Variants in POGZ observed in about 807,000 individuals in gnomAD.
POGZ encodes the protein pogo transposable element with ZNF domain.
Under a neutral mutation model 134.6 loss-of-function variants are expected in POGZ, and 17 were observed. The ratio of observed to expected loss-of-function variants is 0.13; its 90% CI spans 0.09 to 0.19. POGZ has a LOEUF of 0.19. POGZ is among the 10% of genes least tolerant of loss of function. POGZ has a pLI of 1.00. For missense variants in POGZ, 1,306 were observed against 1,769.7 expected, an observed-to-expected ratio of 0.74 and a Z score of 4.70; for synonymous variants, 693 against 657.1, an observed-to-expected ratio of 1.05 and a Z score of -0.84.
At chr1:151,458,691 C>CG (rs1663089010) in intron 1 of POGZ, among the ~76,000 whole-genome samples, 1 of 145,510 alleles carries the variant, frequency 6.9e-6, no homozygotes, top group African/African-American at 2.5e-5. Context: ...CCCGCGCCCC[C>CG]GCCCCCGCCC....
chr1:151,415,593 C>A (rs1355278000), intron 10 of POGZ, among the ~76,000 whole-genome samples: 2 of 150,694 alleles, frequency 1.3e-5, no homozygotes. Flanking sequence ...ATGGCGTGAA[C>A]CCAGGAGACA....
chr1:151,420,750 A>G (rs943374184), intron 10 of POGZ, among the ~76,000 whole-genome samples: 1 of 152,112 alleles, frequency 6.6e-6, no homozygotes, highest in Non-Finnish European at 1.5e-5. Flanking sequence ...GTATTTCAAA[A>G]GATCTGTTTT....
chr1:151,455,934 G>T (rs1209163132), intron 1 of POGZ, among the ~76,000 whole-genome samples: 2 of 147,178 alleles, frequency 1.4e-5, no homozygotes, highest in Admixed American at 6.8e-5. Context: ...ATAGAGACAG[G>T]GTCTCACTAT....
At chr1:151,407,146 C>T in intron 16 of POGZ, 89 bp downstream of exon 16, 1 of 1,225,742 alleles carries the variant, frequency 8.2e-7, no homozygotes, top group East Asian at 2.4e-5. Flanking sequence ...GAAATTAATT[C>T]ACATAACCAC....
chr1:151,433,501 G>C (rs1000675863), intron 3 of POGZ, among the ~76,000 whole-genome samples: 26 of 151,346 alleles, frequency 1.7e-4, no homozygotes, highest in African/African-American at 6.3e-4. Context: ...CCAGCTACTC[G>C]GGAGGCTGAG....
Position 151,429,658 on chromosome 1 carries a change from C to T in POGZ, c.513G>A (p.Gly171=). The part of the protein sequence containing the change: ...RPVQNAMNQV[G]IVLNVQQGQT... ...GGCCTTGCTGTACGTTCAGCACAAT[C>T]CCAACCTGATTCATTGCATTTTGTA... is the stretch of plus-strand genomic sequence containing the variant. Residue 171 remains glycine (G), a synonymous_variant, in exon 5 of 19, where the codon GGG becomes GGA. Coordinates refer to ENST00000271715, the MANE Select transcript of POGZ (RefSeq NM_015100.4). 1 of 1,613,502 alleles carries T rather than the reference C, an allele frequency of 6.2e-7. No homozygotes were observed.
intron 1 of POGZ, among the ~76,000 whole-genome samples, chr1:151,450,023 A>ATTTTTTTTTT (rs1171783071): frequency 2.7e-5 from 2 of 74,326 alleles, no homozygotes; most frequent in Non-Finnish European, 2.4e-5. Flanking sequence ...GTGAAACTTG[A>ATTTTTTTTTT]TTTTTTTTTT....
intron 15 of POGZ, among the ~76,000 whole-genome samples, chr1:151,407,825 C>A (rs530790187): frequency 2.4e-4 from 36 of 151,894 alleles, no homozygotes; most frequent in African/African-American, 8.5e-4. Context: ...GCCTGGCCAA[C>A]AAGGTGAAAC....
chr1:151,417,727 C>A (rs901407764), intron 10 of POGZ, among the ~76,000 whole-genome samples: 1 of 130,570 alleles, frequency 7.7e-6, no homozygotes, highest in Non-Finnish European at 1.6e-5. Flanking sequence ...CACACACACA[C>A]ACAAAAGGCC....
At chr1:151,423,845 G>C (rs1205522392) in intron 9 of POGZ, 104 bp downstream of exon 9, 8 of 836,970 alleles carry the variant, frequency 9.6e-6, no homozygotes, top group African/African-American at 1.7e-5. Context: ...CAGCAAGACT[G>C]CATAGTAGTT....
Position 151,428,277 on chromosome 1 carries a change from A to G in POGZ, c.705T>C (p.Leu235=). 1 of 1,614,102 alleles carries G rather than the reference A, an allele frequency of 6.2e-7. No homozygotes were observed. Residue 235 remains leucine, a synonymous_variant, in exon 6 of 19, where the codon CTT becomes CTC. Transcript: ENST00000271715. ...ACTGTGGGACGGTGCTTCGAATGGT[A>G]AGAGTGGCCGGGATGACGGTGGTGA... ...NTFTTVIPAT[L]TIRSTVPQSQ...
At chr1:151,417,727 CA>C (rs1656033671) in intron 10 of POGZ, among the ~76,000 whole-genome samples, 1 of 130,570 alleles carries the variant, frequency 7.7e-6, no homozygotes, top group Non-Finnish European at 1.6e-5. Context: ...CACACACACA[CA>C]CAAAAGGCCT....
intron 1 of POGZ, among the ~76,000 whole-genome samples, chr1:151,448,769 G>A (rs979976219): frequency 6.6e-6 from 1 of 152,142 alleles, no homozygotes; most frequent in African/African-American, 2.4e-5. Flanking sequence ...ACAGGCTGAG[G>A]TGGGAGAATC....
chr1:151,435,259 A>C (rs988824166), intron 3 of POGZ, among the ~76,000 whole-genome samples: 1 of 152,208 alleles, frequency 6.6e-6, no homozygotes, highest in African/African-American at 2.4e-5. Context: ...AGAGGGCTAA[A>C]TACAATAGGA....
At chr1:151,437,856 G>C (rs1382705196) in intron 3 of POGZ, among the ~76,000 whole-genome samples, 1 of 152,166 alleles carries the variant, frequency 6.6e-6, no homozygotes, top group East Asian at 1.9e-4. Flanking sequence ...GGTTGTATGA[G>C]GCAGTATTTC....
rs1660688397 is a variant in POGZ, at chr1:151,442,479, G to A, written c.-1-274C>T. The A allele has an allele frequency of 2.1e-5, 5 of 235,908 alleles. No homozygotes were observed. In the East Asian group the frequency reaches 3.5e-4, roughly 16 times the overall value. 14.6% of individuals were successfully genotyped at this position (235,908 alleles called of 1,614,324 possible). A position where few individuals can be genotyped will look rare whatever the true frequency, so the allele number is the denominator to read the frequency against. On this transcript the variant is annotated intron_variant, in intron 1 of 18. Coordinates refer to ENST00000271715, the MANE Select transcript of POGZ (RefSeq NM_015100.4). ...AATCCCAACATTTTGGGAAGCCGAG[G>A]GAGGTGGATCACCTGAGGTTGGGAG... is the stretch of plus-strand genomic sequence containing the variant.
rs1398613872 is a variant in POGZ, at chr1:151,408,481, G to A, written c.2162C>T (p.Ser721Leu). ...AAGGAAGACAGGCAGAGGGTCCATT[G>A]AGGAGGTCAGCGGTGCTGCCTCCTG... ...ALQEAAPLTS[S>L]MDPLPVFLYP... The change falls in exon 14 of 19, where the codon TCA becomes TTA. Residue 721 changes from serine (S) to leucine (L), a missense_variant. Ser to Leu is a moderately radical substitution (Grantham distance 145). This residue lies in a region of POGZ where 149 missense variants were observed against 237.5 expected (regional missense o/e 0.63). Transcript: ENST00000271715. 1.9e-5 allele frequency: 30 copies of A among 1,593,788 alleles called. No homozygotes were observed. The highest frequency in any genetic ancestry group is 2.6e-5 in the Non-Finnish European group (30 of 1,174,958).
chr1:151,406,402 G>A lies in POGZ; in HGVS notation c.2633C>T (p.Ser878Phe). The A allele has an allele frequency of 1.9e-6, 3 of 1,571,002 alleles. No individual in the cohort carries two copies. The highest frequency in any genetic ancestry group is 2.6e-6 in the Non-Finnish European group (3 of 1,160,546). ...AGTGGCAGCTTTGTTAGTGGGGAAGGAAGGAGGAGGGTACATATTCTTCAC... is the reference window on the plus strand; with the variant it reads ...AGTGGCAGCTTTGTTAGTGGGGAAGAAAGGAGGAGGGTACATATTCTTCAC... The part of the protein sequence containing the change: ...RNVKNMYPPP[S>F]FPTNKAATVK... Residue 878 changes from serine to phenylalanine, a missense_variant, in exon 19 of 19, where the codon TCC (serine) becomes TTC (phenylalanine). Transcript: ENST00000271715.
At chr1:151,452,556 T>C (rs555919297) in intron 1 of POGZ, among the ~76,000 whole-genome samples, 2 of 152,134 alleles carry the variant, frequency 1.3e-5, no homozygotes, top group South Asian at 4.1e-4. Flanking sequence ...ATATTTGGCA[T>C]GGGCCAAAAC....
Sources: allele counts gnomAD v4.1 joint callset (sites outside exome capture counted in the v4.1 genomes callset), GRCh38; gene constraint gnomAD v4.1.1; regional missense constraint gnomAD v4.1.1; transcripts MANE v1.5; gene names NCBI Gene and HGNC (gene_info 2026-07-23, HGNC 2026-07-21).